The following MTMR8 variants were observed in gnomAD, a reference collection of about 807,000 sequenced individuals.
MTMR8 encodes the protein myotubularin related protein 8.
MTMR8 carries 65 observed loss-of-function variants against 39.3 expected under a neutral mutation model. The ratio of observed to expected loss-of-function variants is 1.65; its 90% CI spans 1.35 to 2.03. MTMR8 has a LOEUF of 2.03. Ranked by LOEUF, MTMR8 falls within the 30% of genes most tolerant of loss-of-function variation. MTMR8 has a pLI of 0.00. For missense variants in MTMR8, 777 were observed against 538.9 expected, an observed-to-expected ratio of 1.44 and a Z score of -4.37; for synonymous variants, 245 against 185.2, an observed-to-expected ratio of 1.32 and a Z score of -2.62.
At chrX:64,296,743 AAC>A (rs1921608368) in intron 12 of MTMR8, among the ~76,000 whole-genome samples, 1 of 29,825 alleles carries the variant, frequency 3.4e-5, no homozygotes, top group African/African-American at 1.2e-4. Flanking sequence ...CCCCGCCCCC[AAC>A]ACAGTCCCCA....
At chrX:64,331,473 A>C in intron 11 of MTMR8, 84 bp downstream of exon 11, 2 of 888,142 alleles carry the variant, frequency 2.3e-6, no homozygotes, top group Admixed American at 2.5e-5. Context: ...CTTGACTGCT[A>C]TGCCAAATTC....
intron 12 of MTMR8, among the ~76,000 whole-genome samples, chrX:64,284,293 G>A (rs927770920): frequency 9.0e-5 from 10 of 111,721 alleles, no homozygotes; most frequent in African/African-American, 2.9e-4. Context: ...AAAAAGAAAC[G>A]AATAAAGCCT....
rs1011988927 is a variant in MTMR8 at position 64,283,695 on chromosome X, C to T, written c.1482-12622G>A. Among the ~76,000 whole-genome samples, 180 of 112,582 alleles carry T rather than the reference C, an allele frequency of 1.6e-3. 1 individual carries two copies. The highest frequency in any genetic ancestry group is 5.6e-3 in the African/African-American group (173 of 31,007). On this transcript the variant is annotated intron_variant, in intron 12 of 13. Transcript: ENST00000374852. ...ATTCGCTGTTCTGCAGCCTCTGCTG[C>T]TGATACCCAGGCAAACAGGGTCTGG...
At chrX:64,281,914 C>G (rs1411904441) in intron 12 of MTMR8, among the ~76,000 whole-genome samples, 2 of 89,509 alleles carry the variant, frequency 2.2e-5, no homozygotes, top group Non-Finnish European at 4.1e-5. Context: ...AGGACATGAA[C>G]AGATACTTCT....
intron 1 of MTMR8, among the ~76,000 whole-genome samples, chrX:64,382,942 G>C (rs1924468394): frequency 9.0e-6 from 1 of 111,049 alleles, no homozygotes; most frequent in South Asian, 3.8e-4. Context: ...CTAGTATGCA[G>C]CCAAGGATGA....
At chrX:64,278,197 T>G (rs1282100039) in intron 12 of MTMR8, among the ~76,000 whole-genome samples, 3 of 109,427 alleles carry the variant, frequency 2.7e-5, no homozygotes, top group African/African-American at 1.0e-4. Flanking sequence ...TCGGAAGAGT[T>G]TGTTATTACC....
At chrX:64,372,851 G>A (rs998377608) in intron 1 of MTMR8, among the ~76,000 whole-genome samples, 36 of 111,512 alleles carry the variant, frequency 3.2e-4, no homozygotes, top group Admixed American at 6.7e-4. Context: ...GGCCAAGAGT[G>A]CAATTTCTGT....
intron 12 of MTMR8, among the ~76,000 whole-genome samples, chrX:64,290,968 A>G (rs1239986412): frequency 8.9e-6 from 1 of 111,967 alleles, no homozygotes; most frequent in Non-Finnish European, 1.9e-5. Flanking sequence ...TTTCTGGCAT[A>G]TATGGCCAAG....
chrX:64,301,733 G>A (rs1301457515), intron 12 of MTMR8, among the ~76,000 whole-genome samples: 6 of 111,187 alleles, frequency 5.4e-5, no homozygotes, highest in Non-Finnish European at 1.1e-4. Flanking sequence ...CTTTGATGAT[G>A]GTGATGTACA....
At chrX:64,363,158 G>A (rs1034865375) in intron 1 of MTMR8, among the ~76,000 whole-genome samples, 14 of 111,454 alleles carry the variant, frequency 1.3e-4, no homozygotes, top group African/African-American at 4.6e-4. Flanking sequence ...CCATTCGGAA[G>A]GGCAATCTGG....
Position 64,328,872 on chromosome X carries a change from G to C in MTMR8, c.1381C>G (p.Pro461Ala). The stretch of plus-strand genomic sequence containing the variant: ...TCTGGTTTCCTCTGAACCAAGAAAG[G>C]CCACACAGAATGTGTTTTCTCATAG... ...RVYEKTHSVW[P>A]FLVQRKPDFR... The change falls in exon 12 of 14, where the codon CCT becomes GCT. Residue 461 changes from proline to alanine, a missense_variant. Pro to Ala is a conservative substitution (Grantham distance 27, BLOSUM62 -1). Coordinates refer to ENST00000374852, the MANE Select transcript of MTMR8 (RefSeq NM_017677.4). The C allele has an allele frequency of 8.4e-7, 1 of 1,194,648 alleles. No individual in the cohort carries two copies. The highest frequency in any genetic ancestry group is 1.9e-5 in the South Asian group (1 of 53,573).
intron 1 of MTMR8, among the ~76,000 whole-genome samples, chrX:64,370,976 G>T (rs936314876): frequency 1.8e-5 from 2 of 111,422 alleles, no homozygotes; most frequent in East Asian, 2.8e-4. Flanking sequence ...AACATAGCAA[G>T]AACTCGTCTC....
chrX:64,278,764 G>A (rs1931940636), intron 12 of MTMR8, among the ~76,000 whole-genome samples: 1 of 111,063 alleles, frequency 9.0e-6, no homozygotes, highest in African/African-American at 3.3e-5. Context: ...GAGCCACCAT[G>A]CCCAGCCAAT....
intron 11 of MTMR8, among the ~76,000 whole-genome samples, chrX:64,329,179 T>C (rs2147220376): frequency 8.9e-6 from 1 of 111,994 alleles, no homozygotes; most frequent in South Asian, 3.8e-4. Flanking sequence ...GTGGAATAGC[T>C]GTGTGATCTT....
intron 12 of MTMR8, among the ~76,000 whole-genome samples, chrX:64,317,620 C>T (rs1922508043): frequency 1.8e-5 from 2 of 111,970 alleles, no homozygotes; most frequent in Admixed American, 9.5e-5. Context: ...CTTGAGGCAT[C>T]GTAATGATGG....
intron 12 of MTMR8, among the ~76,000 whole-genome samples, chrX:64,297,699 G>C (rs1257197074): frequency 9.6e-6 from 1 of 104,493 alleles, no homozygotes; most frequent in African/African-American, 3.5e-5. Flanking sequence ...TTCTTCTAGG[G>C]TTTTTATGGT....
At chrX:64,301,240 A>T (rs753880617) in intron 12 of MTMR8, among the ~76,000 whole-genome samples, 23 of 107,685 alleles carry the variant, frequency 2.1e-4, no homozygotes, top group African/African-American at 7.1e-4. Flanking sequence ...TGGTCTTTTC[A>T]CATAGTCCCA....
At chrX:64,314,448 A>C (rs938618282) in intron 12 of MTMR8, among the ~76,000 whole-genome samples, 14 of 112,443 alleles carry the variant, frequency 1.2e-4, no homozygotes, top group African/African-American at 4.5e-4. Context: ...GGGGTAGGGC[A>C]CTGGTGGGTG....
At chrX:64,348,133 T>TA (rs1569225630) in intron 6 of MTMR8, among the ~76,000 whole-genome samples, 1 of 111,543 alleles carries the variant, frequency 9.0e-6, no homozygotes, top group African/African-American at 3.3e-5. Flanking sequence ...TACTAGATGC[T>TA]AAAAAAGAAT....
Sources: gnomAD v4.1 joint callset for allele counts (sites outside exome capture counted in the v4.1 genomes callset) on GRCh38, gnomAD v4.1.1 for gene constraint, MANE v1.5 for transcripts, NCBI Gene and HGNC (gene_info 2026-07-23, HGNC 2026-07-21) for gene names.